Variants in UBE2G2 observed in about 807,000 individuals in gnomAD.
UBE2G2 encodes ubiquitin conjugating enzyme E2 G2.
In UBE2G2, 10 loss-of-function variants were observed where a neutral mutation model predicts 23.0. The observed-to-expected ratio is 0.43, with a 90% CI of 0.27 to 0.74. UBE2G2 has a LOEUF of 0.74. Among genes scored for constraint, UBE2G2 ranks in the 30% least tolerant of loss-of-function variants. The pLI is 0.19. For synonymous variants in UBE2G2, 86 were observed against 81.3 expected, an observed-to-expected ratio of 1.06 and a Z score of -0.31; for missense variants, 150 against 218.3, an observed-to-expected ratio of 0.69 and a Z score of 1.97.
chr21:44,773,826 G>T (rs1004929717), intron 4 of UBE2G2, 139 bp from the exon 5 acceptor site: 1 of 1,197,568 alleles, frequency 8.4e-7, no homozygotes, highest in African/African-American at 1.5e-5. Context: ...GGCATAGCCT[G>T]GGGCCCTGAG....
At chr21:44,775,885 T>C (rs1446483399) in intron 4 of UBE2G2, among the ~76,000 whole-genome samples, 2 of 152,240 alleles carry the variant, frequency 1.3e-5, no homozygotes, top group African/African-American at 2.4e-5. Context: ...CTCCATGTTA[T>C]CATCTAACTC....
At chr21:44,801,635 C>A in intron 1 of UBE2G2, 71 bp downstream of exon 1, 1 of 1,479,086 alleles carries the variant, frequency 6.8e-7, no homozygotes, top group Non-Finnish European at 9.0e-7. Flanking sequence ...CCTGCCCCAG[C>A]CCCGCCGGAC....
intron 1 of UBE2G2, among the ~76,000 whole-genome samples, chr21:44,796,069 A>G (rs1327745885): frequency 6.6e-6 from 1 of 152,222 alleles, no homozygotes; most frequent in Non-Finnish European, 1.5e-5. Context: ...GGCCTCCAGA[A>G]CAGTAAAAGA....
chr21:44,773,496 C>G (rs782264126), intron 5 of UBE2G2, 51 bp downstream of exon 5: 4 of 1,575,176 alleles, frequency 2.5e-6, no homozygotes, highest in Non-Finnish European at 3.4e-6. Flanking sequence ...CTGGAGAACA[C>G]CTGCAGCCTG....
At chr21:44,775,862 G>A (rs2082909196) in intron 4 of UBE2G2, among the ~76,000 whole-genome samples, 1 of 152,120 alleles carries the variant, frequency 6.6e-6, no homozygotes, top group African/African-American at 2.4e-5. Flanking sequence ...CAAGTAGACA[G>A]CGTGTGATGA....
chr21:44,788,588 C>A (rs1187799327), intron 1 of UBE2G2, among the ~76,000 whole-genome samples: 1 of 151,844 alleles, frequency 6.6e-6, no homozygotes, highest in Non-Finnish European at 1.5e-5. Flanking sequence ...CGCGCCGGCC[C>A]AAATAGTTCT....
chr21:44,790,712 G>A (rs1423893254), intron 1 of UBE2G2, among the ~76,000 whole-genome samples: 1 of 152,210 alleles, frequency 6.6e-6, no homozygotes. Flanking sequence ...ATGTGGAACT[G>A]TGAGTCAATT....
intron 3 of UBE2G2, among the ~76,000 whole-genome samples, chr21:44,781,063 T>A (rs782625571): frequency 1.1e-4 from 16 of 152,214 alleles, no homozygotes; most frequent in Non-Finnish European, 1.9e-4. Flanking sequence ...GTTCTCTTTA[T>A]CAAGTTTGTC....
intron 3 of UBE2G2, among the ~76,000 whole-genome samples, chr21:44,783,666 A>T (rs1350161058): frequency 6.6e-6 from 1 of 152,212 alleles, no homozygotes; most frequent in Non-Finnish European, 1.5e-5. Context: ...AGAAAAGGCA[A>T]ATCTATAGTC....
At chr21:44,799,138 C>T (rs2146410075) in intron 1 of UBE2G2, among the ~76,000 whole-genome samples, 1 of 152,310 alleles carries the variant, frequency 6.6e-6, no homozygotes, top group Non-Finnish European at 1.5e-5. Context: ...ATGCTGTACA[C>T]AGATGTGCTG....
chr21:44,771,370 C>T lies in UBE2G2; in HGVS notation c.*7G>A. ...GCGGTGTGTGCGCGCCTGTGCGAGG[C>T]CAGGTCTCACAGTCCCAGAGACTTC... On this transcript the variant is annotated 3_prime_UTR_variant, in exon 6 of 6. Transcript: ENST00000345496. The surrounding 1 kb of genome is among the most constrained non-coding windows in gnomAD (Gnocchi z 4.6). The T allele has an allele frequency of 6.2e-7, 1 of 1,611,680 alleles. No individual in the cohort carries two copies. Among genetic ancestry groups the T allele is most frequent in the Non-Finnish European group, 8.5e-7 (1 of 1,179,396 alleles).
At chr21:44,780,820 C>T (rs1407088911) in intron 3 of UBE2G2, among the ~76,000 whole-genome samples, 7 of 152,234 alleles carry the variant, frequency 4.6e-5, no homozygotes, top group African/African-American at 1.4e-4. Context: ...GAAGATCAGC[C>T]TCTTCTGTCT....
At chr21:44,784,062 G>A (rs782569224) in intron 3 of UBE2G2, among the ~76,000 whole-genome samples, 5 of 152,226 alleles carry the variant, frequency 3.3e-5, no homozygotes, top group Non-Finnish European at 4.4e-5. Flanking sequence ...GGGCTGAGGT[G>A]GGAGGATTGT....
At chr21:44,773,809 C>T (rs1168995309) in intron 4 of UBE2G2, 122 bp from the exon 5 acceptor site, 4 of 1,356,072 alleles carry the variant, frequency 2.9e-6, no homozygotes, top group East Asian at 2.5e-5. Context: ...GCTGTTTGCA[C>T]AGCTGGGGCA....
At chr21:44,795,406 C>T (rs2083079352) in intron 1 of UBE2G2, among the ~76,000 whole-genome samples, 1 of 152,096 alleles carries the variant, frequency 6.6e-6, no homozygotes, top group African/African-American at 2.4e-5. Context: ...CCAAGACGGG[C>T]AGATTGCTTG....
chr21:44,773,731 C>G, intron 4 of UBE2G2, 44 bp from the exon 5 acceptor site: 2 of 1,596,342 alleles, frequency 1.3e-6, no homozygotes, highest in Non-Finnish European at 1.7e-6. Flanking sequence ...GAATGGTGCC[C>G]GAGGCATCGC....
chr21:44,770,003 G>C lies in UBE2G2; in HGVS notation c.*1374C>G, dbSNP rs970883633. 1 of 152,236 alleles carries C rather than the reference G, an allele frequency of 6.6e-6. No individual in the cohort carries two copies. The highest frequency in any genetic ancestry group is 1.5e-5 in the Non-Finnish European group (1 of 68,046). The allele number at this position is 152,236 out of a possible 1,614,324, so 9.4% of individuals were successfully genotyped here. ...TGGCCTGTGCTGCTCAGCTGGCCCT[G>C]TTAGAGAACATGGGAACCACATCAA... On this transcript the variant is annotated 3_prime_UTR_variant, in exon 6 of 6. Coordinates refer to ENST00000345496, the MANE Select transcript of UBE2G2 (RefSeq NM_003343.6).
chr21:44,789,044 A>G (rs2083022592), intron 1 of UBE2G2, among the ~76,000 whole-genome samples: 1 of 152,116 alleles, frequency 6.6e-6, no homozygotes. Flanking sequence ...TAAAAGATAT[A>G]TAAAAATGCA....
chr21:44,773,834 G>A (rs1479781168), intron 4 of UBE2G2, 147 bp from the exon 5 acceptor site: 1 of 1,112,768 alleles, frequency 9.0e-7, no homozygotes. Flanking sequence ...CTGGGGCCCT[G>A]AGTGTCACGC....
Sources: allele counts gnomAD v4.1 joint callset (sites outside exome capture counted in the v4.1 genomes callset), GRCh38; gene constraint gnomAD v4.1.1; non-coding constraint Gnocchi (gnomAD v3.1); transcripts MANE v1.5; gene names NCBI Gene and HGNC (gene_info 2026-07-23, HGNC 2026-07-21).